NFIB: variants seen among roughly 807,000 people sequenced by gnomAD.
The protein encoded by NFIB is nuclear factor 1 B-type.
A neutral mutation model predicts 61.5 loss-of-function variants in NFIB; 11 were observed. That is an observed-to-expected ratio of 0.18 (90% CI 0.11 to 0.30). The LOEUF (loss-of-function observed/expected upper bound fraction) is 0.30, where lower values mean the gene tolerates loss of function less well. Ranked by LOEUF, NFIB falls within the 10% of genes least tolerant of loss-of-function variation. The pLI, the probability that NFIB is intolerant of heterozygous loss-of-function variation, is 1.00. For missense variants in NFIB, 471 were observed against 608.9 expected (o/e 0.77, Z 2.38); for synonymous variants, 260 against 216.5 (o/e 1.20, Z -1.76).
chr9:14,133,214 AC>A (rs1232962970), intron 6 of NFIB, among the ~76,000 whole-genome samples: 2 of 152,080 alleles, frequency 1.3e-5, no homozygotes, highest in African/African-American at 4.8e-5. Flanking sequence ...ATAAACAAAA[AC>A]TCTGAATATT....
At chr9:14,475,514 A>C in the NFIB span, among the ~76,000 whole-genome samples, 1 of 152,148 alleles carries the variant, frequency 6.6e-6, no homozygotes, top group East Asian at 1.9e-4. Flanking sequence ...AAGGCCAGCG[A>C]GTCTTGAATG....
At chr9:14,372,747 T>G (rs563504938) in intron 1 of NFIB, among the ~76,000 whole-genome samples, 1 of 152,308 alleles carries the variant, frequency 6.6e-6, no homozygotes, top group African/African-American at 2.4e-5. Context: ...GGCATTGCAG[T>G]GTCCCTTTGA....
chr9:14,163,461 G>C (rs546012948), intron 3 of NFIB, among the ~76,000 whole-genome samples: 2 of 151,930 alleles, frequency 1.3e-5, no homozygotes, highest in Admixed American at 1.3e-4. Context: ...TAGGCAAAGA[G>C]AAATCAGGCA....
intron 2 of NFIB, among the ~76,000 whole-genome samples, chr9:14,268,985 C>G (rs1200301411): frequency 6.6e-6 from 1 of 152,218 alleles, no homozygotes; most frequent in Admixed American, 6.5e-5. Flanking sequence ...CCACTTACCA[C>G]TAACTGTGCC....
At chr9:14,174,894 T>C (rs1313065723) in intron 3 of NFIB, among the ~76,000 whole-genome samples, 1 of 152,078 alleles carries the variant, frequency 6.6e-6, no homozygotes, top group Non-Finnish European at 1.5e-5. Context: ...CTCAAGGACC[T>C]ATGCGAATTT....
intron 2 of NFIB, among the ~76,000 whole-genome samples, chr9:14,239,320 G>A (rs186471642): frequency 1.6e-4 from 24 of 152,178 alleles, no homozygotes; most frequent in African/African-American, 4.3e-4. Context: ...CCAAATCCAC[G>A]GTGTAGAGAG....
At chr9:14,183,778 C>T (rs2047058506) in intron 2 of NFIB, among the ~76,000 whole-genome samples, 1 of 151,950 alleles carries the variant, frequency 6.6e-6, no homozygotes, top group Non-Finnish European at 1.5e-5. Context: ...AAAACCAGTC[C>T]TCCCTCATTC....
intron 2 of NFIB, among the ~76,000 whole-genome samples, chr9:14,290,643 T>A (rs187562563): frequency 6.6e-6 from 1 of 152,252 alleles, no homozygotes; most frequent in East Asian, 1.9e-4. Context: ...GGTTTTATTT[T>A]ACTCATTCTT....
chr9:14,146,132 A>G (rs1350281850), intron 6 of NFIB, among the ~76,000 whole-genome samples: 2 of 152,170 alleles, frequency 1.3e-5, no homozygotes, highest in East Asian at 1.9e-4. Context: ...TCTTAAAGTT[A>G]TATTTCTCCT....
chr9:14,175,348 G>A (rs768453365), intron 3 of NFIB, among the ~76,000 whole-genome samples: 1 of 151,342 alleles, frequency 6.6e-6, no homozygotes, highest in Non-Finnish European at 1.5e-5. Flanking sequence ...TAATTTTTTT[G>A]TATTTTTAGT....
At chr9:14,402,986 C>G (rs890292027), upstream of NFIB, among the ~76,000 whole-genome samples, 1 of 152,104 alleles carries the variant, frequency 6.6e-6, no homozygotes, top group Non-Finnish European at 1.5e-5. Flanking sequence ...AAATACAGTA[C>G]CAGGAGGTAT....
intron 1 of NFIB, among the ~76,000 whole-genome samples, chr9:14,379,548 T>C (rs967035156): frequency 3.9e-5 from 6 of 152,122 alleles, no homozygotes; most frequent in Admixed American, 3.3e-4. Context: ...CTCATAAGGA[T>C]CTCAAAGTCC....
At chr9:14,481,161 C>T in the NFIB span, among the ~76,000 whole-genome samples, 1 of 114,374 alleles carries the variant, frequency 8.7e-6, no homozygotes, top group Admixed American at 9.8e-5. Context: ...ATTTGATGGA[C>T]AAAGAGTCAA....
At chr9:14,364,044 G>A (rs2061271884) in intron 1 of NFIB, among the ~76,000 whole-genome samples, 1 of 152,264 alleles carries the variant, frequency 6.6e-6, no homozygotes, top group East Asian at 1.9e-4. Context: ...TTGAGCAGTT[G>A]TAGAGTCTTT....
At chr9:14,229,786 C>T (rs1457492345) in intron 2 of NFIB, among the ~76,000 whole-genome samples, 1 of 152,092 alleles carries the variant, frequency 6.6e-6, no homozygotes, top group Admixed American at 6.5e-5. Flanking sequence ...AAAAATATCC[C>T]CTCCCAACCT....
intron 3 of NFIB, among the ~76,000 whole-genome samples, chr9:14,173,739 TCG>T (rs1343074362): frequency 2.0e-5 from 3 of 152,220 alleles, no homozygotes; most frequent in African/African-American, 7.2e-5. Flanking sequence ...AACTCAGCAA[TCG>T]TTAGGCAATT....
intron 6 of NFIB, among the ~76,000 whole-genome samples, chr9:14,126,667 G>T (rs772308837): frequency 6.6e-6 from 1 of 152,152 alleles, no homozygotes; most frequent in African/African-American, 2.4e-5. Flanking sequence ...ACAGGATGAC[G>T]GGTCTCCAGC....
intron 2 of NFIB, among the ~76,000 whole-genome samples, chr9:14,199,992 G>T (rs552909027): frequency 3.9e-5 from 6 of 152,294 alleles, no homozygotes; most frequent in Non-Finnish European, 7.4e-5. Context: ...AGAAGGGATT[G>T]TCCAAATAAA....
chr9:14,173,652 G>A (rs1018717697), intron 3 of NFIB, among the ~76,000 whole-genome samples: 1 of 152,108 alleles, frequency 6.6e-6, no homozygotes, highest in African/African-American at 2.4e-5. Flanking sequence ...GTATAAAATG[G>A]TGTGTATTTT....
Sources: gnomAD v4.1 joint callset for allele counts (sites outside exome capture counted in the v4.1 genomes callset) on GRCh38, gnomAD v4.1.1 for gene constraint, MANE v1.5 for transcripts, NCBI Gene and HGNC (gene_info 2026-07-23, HGNC 2026-07-21) for gene names.